FGF13: variants seen among roughly 807,000 people sequenced by gnomAD.
FGF13 encodes fibroblast growth factor 13.
In FGF13, 2 loss-of-function variants were observed where a neutral mutation model predicts 19.5. The observed-to-expected ratio is 0.10, with a 90% confidence interval of 0.04 to 0.32. The LOEUF (loss-of-function observed/expected upper bound fraction) is 0.32. FGF13 is among the 10% of genes least tolerant of loss of function. The probability of loss-of-function intolerance (pLI) is 1.00; values close to 1 mark genes in which losing one functional copy is unlikely to be tolerated. For synonymous variants in FGF13, 72 were observed against 76.9 expected (o/e 0.94, Z 0.33); for missense variants, 113 against 192.7 (o/e 0.59, Z 2.45).
intron 3 of FGF13, among the ~76,000 whole-genome samples, chrX:138,828,920 A>C (rs1049666270): frequency 9.0e-6 from 1 of 111,589 alleles, no homozygotes; most frequent in African/African-American, 3.3e-5. Context: ...TTTTAGCAGG[A>C]AGTGATAAGA....
At chrX:138,721,642 C>T (rs1293190316) in intron 1 of FGF13, among the ~76,000 whole-genome samples, 1 of 110,491 alleles carries the variant, frequency 9.1e-6, no homozygotes, top group Non-Finnish European at 1.9e-5. Context: ...AGTTCCATCT[C>T]TGTATCTTTC....
intron 3 of FGF13, among the ~76,000 whole-genome samples, chrX:138,678,405 AAAT>A (rs2089695385): frequency 8.9e-6 from 1 of 112,236 alleles, no homozygotes; most frequent in Non-Finnish European, 1.9e-5. Flanking sequence ...GTAGCATTCC[AAAT>A]AAATTATCCC....
intron 1 of FGF13, among the ~76,000 whole-genome samples, chrX:138,906,630 T>G (rs2091559878): frequency 8.9e-6 from 1 of 112,289 alleles, no homozygotes; most frequent in South Asian, 3.7e-4. Context: ...GCGTTACTTT[T>G]AATAGAATGC....
At chrX:138,840,024 C>T (rs1272347904) in intron 3 of FGF13, among the ~76,000 whole-genome samples, 2 of 111,598 alleles carry the variant, frequency 1.8e-5, no homozygotes, top group African/African-American at 6.5e-5. Context: ...GCAATGGTGG[C>T]TATGGTGTTG....
intron 1 of FGF13, among the ~76,000 whole-genome samples, chrX:139,129,721 T>C (rs1381800148): frequency 9.0e-6 from 1 of 111,265 alleles, no homozygotes; most frequent in African/African-American, 3.3e-5. Flanking sequence ...AAACACATGC[T>C]GAGAAAAAGT....
At chrX:138,705,585 C>T (rs138758500) in intron 2 of FGF13, among the ~76,000 whole-genome samples, 1,502 of 111,827 alleles carry the variant, frequency 0.013, 12 homozygotes, top group Non-Finnish European at 0.022. Flanking sequence ...TTGAGAGTAG[C>T]GAATCTAGGG....
intron 1 of FGF13, among the ~76,000 whole-genome samples, chrX:139,031,844 T>C (rs1200657124): frequency 1.8e-5 from 2 of 110,942 alleles, no homozygotes; most frequent in East Asian, 2.9e-4. Flanking sequence ...TGAAATAATA[T>C]GTAAATTGTG....
chrX:139,065,217 T>C (rs918577546), intron 1 of FGF13, among the ~76,000 whole-genome samples: 2 of 111,111 alleles, frequency 1.8e-5, no homozygotes, highest in African/African-American at 6.5e-5. Context: ...ACTGTAAAGA[T>C]CATTGACACT....
intron 1 of FGF13, among the ~76,000 whole-genome samples, chrX:139,180,728 C>T (rs982685115): frequency 9.0e-6 from 1 of 111,024 alleles, no homozygotes; most frequent in African/African-American, 3.3e-5. Context: ...GTCACAGTCC[C>T]CGATCTAAAC....
intron 1 of FGF13, among the ~76,000 whole-genome samples, chrX:138,906,195 G>A (rs2091557668): frequency 9.0e-6 from 1 of 111,597 alleles, no homozygotes; most frequent in South Asian, 3.8e-4. Context: ...AGGCCACGGA[G>A]GCAAGTCACT....
chrX:138,934,328 G>T (rs765798042), intron 1 of FGF13, among the ~76,000 whole-genome samples: 1 of 111,979 alleles, frequency 8.9e-6, no homozygotes, highest in African/African-American at 3.2e-5. Flanking sequence ...AGGAAGATGA[G>T]GATGCCTTCT....
At chrX:138,827,416 A>T (rs1030537385) in intron 3 of FGF13, among the ~76,000 whole-genome samples, 3 of 112,249 alleles carry the variant, frequency 2.7e-5, no homozygotes, top group Admixed American at 9.4e-5. Context: ...ATTATTTAAT[A>T]TTCTAATGTA....
At chrX:139,022,681 C>T (rs1336910409) in intron 1 of FGF13, among the ~76,000 whole-genome samples, 4 of 110,810 alleles carry the variant, frequency 3.6e-5, no homozygotes, top group Non-Finnish European at 7.6e-5. Context: ...GGATAGCAAC[C>T]CAAAGTTGCT....
At chrX:139,045,353 A>T (rs1181407475) in intron 1 of FGF13, among the ~76,000 whole-genome samples, 1 of 112,093 alleles carries the variant, frequency 8.9e-6, no homozygotes, top group Non-Finnish European at 1.9e-5. Context: ...GGCTGCTGGG[A>T]AAGTCTCTGA....
chrX:139,145,380 TG>T (rs2083879968), intron 1 of FGF13, among the ~76,000 whole-genome samples: 1 of 111,856 alleles, frequency 8.9e-6, no homozygotes, highest in African/African-American at 3.3e-5. Flanking sequence ...GATGGTTTCA[TG>T]GTATATACAT....
Position 138,747,878 on chromosome X carries a change from AC to A in FGF13, c.218-38951del, listed in dbSNP as rs746502770. Among the ~76,000 whole-genome samples the A allele has an allele frequency of 5.6e-4, 62 of 111,264 alleles. No individual in the cohort carries two copies. In the Admixed American group the frequency reaches 5.6e-3, roughly 10 times the overall value. ...TTGAGGGAGCTTTTGGAGGCCTGGT[AC>A]CTTGGAAATGGTAAAATTAAAGTCC... On this transcript the variant is annotated intron_variant, in intron 3 of 6. Coordinates refer to the FGF13 transcript ENST00000436198.
intron 3 of FGF13, among the ~76,000 whole-genome samples, chrX:138,778,103 G>A (rs928498062): frequency 6.3e-5 from 7 of 111,287 alleles, no homozygotes; most frequent in East Asian, 2.8e-4. Flanking sequence ...CCTGAGCGAC[G>A]CAGAAGACAG....
chrX:138,824,395 A>T (rs1341810881), intron 3 of FGF13, among the ~76,000 whole-genome samples: 1 of 111,708 alleles, frequency 9.0e-6, no homozygotes, highest in East Asian at 2.8e-4. Flanking sequence ...TGACTGAATG[A>T]CTGATGTGGT....
intron 3 of FGF13, among the ~76,000 whole-genome samples, chrX:138,698,582 T>G (rs931290364): frequency 8.9e-6 from 1 of 111,888 alleles, no homozygotes. Context: ...ACAACCATTT[T>G]TCTTAAGCTC....
Sources: allele counts gnomAD v4.1 joint callset (sites outside exome capture counted in the v4.1 genomes callset), GRCh38; gene constraint gnomAD v4.1.1; transcripts MANE v1.5; gene names NCBI Gene and HGNC (gene_info 2026-07-23, HGNC 2026-07-21).